SEC24B: variants seen among roughly 807,000 people sequenced by gnomAD.
SEC24B encodes the protein SEC24 homolog B, COPII component, also known as protein transport protein Sec24B.
SEC24B carries 45 observed loss-of-function variants against 142.8 expected under a neutral mutation model. The ratio of observed to expected loss-of-function variants is 0.32; its 90% CI spans 0.25 to 0.40. The LOEUF (loss-of-function observed/expected upper bound fraction) is 0.40, where lower values mean the gene tolerates loss of function less well. Among genes scored for constraint, SEC24B ranks in the 10% least tolerant of loss-of-function variants. The pLI is 1.00. For missense variants in SEC24B, 1,409 were observed against 1,526.8 expected, an observed-to-expected ratio of 0.92 and a Z score of 1.29; for synonymous variants, 574 against 568.2, an observed-to-expected ratio of 1.01 and a Z score of -0.15.
Position 109,463,597 on chromosome 4 carries a change from A to ATTGGAT in SEC24B, c.830_831insTTGGAT (p.Asn277_His278insTrpIle). ...TCGACTCAAGACAATCTCATCCGAA[A>ATTGGAT]CCACACAGGATCCCTGGCTGTAGCG... On this transcript the variant is annotated inframe_insertion, in exon 2 of 24. Coordinates refer to ENST00000265175, the MANE Select transcript of SEC24B (RefSeq NM_006323.5). 6.2e-7 allele frequency: 1 copy of ATTGGAT among 1,613,972 alleles called. No homozygotes were observed. The highest frequency in any genetic ancestry group is 8.5e-7 in the Non-Finnish European group (1 of 1,180,026).
At chr4:109,494,467 C>T (rs1735328044) in intron 5 of SEC24B, 148 bp from the exon 6 acceptor site, 1 of 807,998 alleles carries the variant, frequency 1.2e-6, no homozygotes, top group African/African-American at 1.7e-5. Context: ...TCATCATTCC[C>T]CCTACTTTGT....
At chr4:109,493,230 C>T (rs1735199214) in intron 5 of SEC24B, among the ~76,000 whole-genome samples, 1 of 151,550 alleles carries the variant, frequency 6.6e-6, no homozygotes. Flanking sequence ...AGCAGAATGT[C>T]TAGGAGTGTA....
chr4:109,533,664 TGCATCAATACCACA>T lies in SEC24B; in HGVS notation c.3569_3582del (p.Ala1190GlufsTer24). On this transcript the variant is annotated frameshift_variant, in exon 22 of 24. Coordinates refer to ENST00000265175, the MANE Select transcript of SEC24B (RefSeq NM_006323.5). LOFTEE classifies it high-confidence loss of function. ...AGGATGTGCTTGGATATACTAATTT[TGCATCAATACCACA>T]GAAAATGGTCAGTAGATTTTATACA... The T allele has an allele frequency of 6.2e-7, 1 of 1,603,662 alleles. No homozygotes were observed. Among genetic ancestry groups the T allele is most frequent in the Non-Finnish European group, 8.5e-7 (1 of 1,174,090 alleles).
intron 5 of SEC24B, among the ~76,000 whole-genome samples, chr4:109,492,302 C>T (rs930418092): frequency 6.6e-6 from 1 of 151,956 alleles, no homozygotes; most frequent in African/African-American, 2.4e-5. Context: ...GATTTTTCCC[C>T]TAGGAATTTT....
chr4:109,513,988 G>T, intron 10 of SEC24B, 132 bp downstream of exon 10: 1 of 590,210 alleles, frequency 1.7e-6, no homozygotes, highest in Middle Eastern at 2.8e-4. Flanking sequence ...ATTAATGCTG[G>T]AAGTTTATAT....
At chr4:109,476,939 C>T (rs1359690909) in intron 3 of SEC24B, among the ~76,000 whole-genome samples, 2 of 151,708 alleles carry the variant, frequency 1.3e-5, no homozygotes, top group Admixed American at 6.6e-5. Context: ...AGATCGAGAC[C>T]ATCCCGGCTA....
intron 1 of SEC24B, among the ~76,000 whole-genome samples, 182 bp downstream of exon 1, chr4:109,434,184 G>A (rs1728152205): frequency 6.7e-6 from 1 of 148,582 alleles, no homozygotes; most frequent in African/African-American, 2.4e-5. Flanking sequence ...AGGGGGCAGG[G>A]AAGGCACGGC....
rs1344149565 is a variant in SEC24B, at chr4:109,463,142, T to G, written c.375T>G (p.His125Gln). Reference protein sequence around the residue: ...QLYSRGPPAPHIVGSTLGSFQ... With the variant: ...QLYSRGPPAPQIVGSTLGSFQ... Reference sequence around the variant, plus strand: ...ACAGCAGGGGTCCTCCTGCCCCTCATATTGTGGGATCCACTCTAGGATCTT... The same window carrying G: ...ACAGCAGGGGTCCTCCTGCCCCTCAGATTGTGGGATCCACTCTAGGATCTT... Residue 125 changes from histidine to glutamine, a missense_variant, in exon 2 of 24, where the codon CAT becomes CAG. By Grantham distance (24) the His-to-Gln change is conservative (BLOSUM62 0). Around this residue, in one of 2 missense-constraint regions of SEC24B, gnomAD observed 709 missense variants for 673.5 expected, o/e 1.05. Transcript: ENST00000265175. 1 of 1,614,130 alleles carries G rather than the reference T, an allele frequency of 6.2e-7. No homozygotes were observed. The highest frequency in any genetic ancestry group is 1.3e-5 in the African/African-American group (1 of 75,032).
chr4:109,463,873 C>T (rs1043646645), intron 2 of SEC24B, among the ~76,000 whole-genome samples: 2 of 152,134 alleles, frequency 1.3e-5, no homozygotes, highest in Admixed American at 6.5e-5. Flanking sequence ...CATGATCAGT[C>T]AACATTTATT....
intron 18 of SEC24B, among the ~76,000 whole-genome samples, chr4:109,527,733 C>T (rs937692397): frequency 2.0e-5 from 3 of 151,778 alleles, no homozygotes; most frequent in African/African-American, 7.3e-5. Flanking sequence ...GACCGCATCA[C>T]TCCAATCACT....
chr4:109,496,801 T>C (rs1355699347), intron 6 of SEC24B, among the ~76,000 whole-genome samples: 9 of 152,242 alleles, frequency 5.9e-5, no homozygotes, highest in Admixed American at 3.9e-4. Flanking sequence ...AGATTTTCTT[T>C]ATGGCTCTGT....
intron 6 of SEC24B, among the ~76,000 whole-genome samples, chr4:109,503,992 A>G (rs1165204973): frequency 1.3e-5 from 2 of 152,108 alleles, no homozygotes; most frequent in Non-Finnish European, 2.9e-5. Flanking sequence ...ATATGCTGCT[A>G]TTAATCCATG....
At chr4:109,503,822 G>A (rs1736418220) in intron 6 of SEC24B, among the ~76,000 whole-genome samples, 1 of 151,834 alleles carries the variant, frequency 6.6e-6, no homozygotes, top group Admixed American at 6.6e-5. Context: ...GGTACATAAT[G>A]TAAATAAGTC....
At chr4:109,476,651 T>TGTAAGAATTC (rs1733178338) in intron 3 of SEC24B, among the ~76,000 whole-genome samples, 1 of 152,082 alleles carries the variant, frequency 6.6e-6, no homozygotes, top group African/African-American at 2.4e-5. Context: ...GAAATTATTG[T>TGTAAGAATTC]TTGTTAGATT....
intron 1 of SEC24B, among the ~76,000 whole-genome samples, chr4:109,443,411 A>G (rs1186673388): frequency 2.0e-5 from 3 of 151,974 alleles, no homozygotes; most frequent in African/African-American, 4.8e-5. Context: ...ACAGTTATAT[A>G]TAACTTTTAT....
rs1334150404 is a variant in SEC24B at position 109,491,312 on chromosome 4, TG to T, written c.1166-13del. On this transcript the variant is annotated splice_polypyrimidine_tract_variant and intron_variant, in intron 4 of 23. Transcript: ENST00000265175. ...GTCATTTTAAACCTAGTAGATATTTTGGTTTTCCTTTTAGGTGTTGACAGCT... is the reference window on the plus strand; with the variant it reads ...GTCATTTTAAACCTAGTAGATATTTTGTTTTCCTTTTAGGTGTTGACAGCT... The T allele has an allele frequency of 1.9e-6, 3 of 1,597,068 alleles. No homozygotes were observed. Among genetic ancestry groups the T allele is most frequent in the Non-Finnish European group, 2.6e-6 (3 of 1,166,832 alleles).
At chr4:109,503,082 C>T (rs1314605302) in intron 6 of SEC24B, among the ~76,000 whole-genome samples, 5 of 142,330 alleles carry the variant, frequency 3.5e-5, no homozygotes, top group African/African-American at 5.2e-5. Flanking sequence ...TTTTTTGAGA[C>T]GGAGTCTTGC....
intron 1 of SEC24B, among the ~76,000 whole-genome samples, chr4:109,436,073 TAAA>T (rs1728383479): frequency 6.6e-6 from 1 of 152,142 alleles, no homozygotes; most frequent in African/African-American, 2.4e-5. Context: ...AGAAAGGCCT[TAAA>T]TGTTATGCTA....
chr4:109,460,791 A>G (rs765457423), intron 1 of SEC24B, among the ~76,000 whole-genome samples: 2 of 150,854 alleles, frequency 1.3e-5, no homozygotes, highest in Non-Finnish European at 3.0e-5. Flanking sequence ...TAAGACTAAT[A>G]TTAGGATTAA....
Sources: allele counts gnomAD v4.1 joint callset (sites outside exome capture counted in the v4.1 genomes callset), GRCh38; gene constraint gnomAD v4.1.1; regional missense constraint gnomAD v4.1.1; transcripts MANE v1.5; gene names NCBI Gene and HGNC (gene_info 2026-07-23, HGNC 2026-07-21).